Variants in USP12 observed in about 807,000 individuals in gnomAD.
USP12 encodes ubiquitin carboxyl-terminal hydrolase 12.
A neutral mutation model predicts 45.5 loss-of-function variants in USP12; 19 were observed. The ratio of observed to expected loss-of-function variants is 0.42; its 90% CI spans 0.29 to 0.61. The LOEUF is 0.61. Among genes scored for constraint, USP12 ranks in the 20% least tolerant of loss-of-function variants. USP12 has a pLI of 0.22. For synonymous variants in USP12, 149 were observed against 148.8 expected (o/e 1.00, Z -0.01); for missense variants, 242 against 447.7 (o/e 0.54, Z 4.15).
intron 1 of USP12, among the ~76,000 whole-genome samples, chr13:27,167,997 A>G (rs1289084843): frequency 6.6e-6 from 1 of 152,240 alleles, no homozygotes; most frequent in African/African-American, 2.4e-5. Flanking sequence ...CAGAGCAAAC[A>G]AAAAAGAAAA....
intron 1 of USP12, among the ~76,000 whole-genome samples, chr13:27,157,964 C>A (rs964954970): frequency 5.9e-5 from 9 of 152,196 alleles, no homozygotes; most frequent in Non-Finnish European, 1.0e-4. Flanking sequence ...AGCACATAAC[C>A]CAACTTAATG....
intron 4 of USP12, among the ~76,000 whole-genome samples, chr13:27,090,556 T>G (rs1874263857): frequency 6.6e-6 from 1 of 152,076 alleles, no homozygotes; most frequent in Non-Finnish European, 1.5e-5. Context: ...AAAAAAAAAA[T>G]TTAGCCCAAA....
At position 27,071,144 on chromosome 13, in the gene USP12, G is replaced by A; in HGVS notation, c.938C>T (p.Pro313Leu). The change falls in exon 8 of 9, where the codon CCC becomes CTC. Residue 313 changes from proline (P) to leucine (L), a missense_variant. Transcript: ENST00000282344. ...VAVVVHCGSGPNRGHYIAIVK... is the reference protein window; with the variant it reads ...VAVVVHCGSGLNRGHYIAIVK... The stretch of plus-strand genomic sequence containing the variant: ...TATTGCAATATAATGGCCTCGATTG[G>A]GACCACTAAAACAAACGAAGAAGAA... 2 of 1,597,966 alleles carry A rather than the reference G, an allele frequency of 1.3e-6. No homozygotes were observed. Among genetic ancestry groups the A allele is most frequent in the South Asian group, 2.3e-5 (2 of 86,484 alleles).
At chr13:27,074,293 G>T (rs560732135) in intron 7 of USP12, among the ~76,000 whole-genome samples, 1 of 152,024 alleles carries the variant, frequency 6.6e-6, no homozygotes, top group African/African-American at 2.4e-5. Context: ...TCAGCTACTC[G>T]GGAGGCAGAG....
intron 3 of USP12, among the ~76,000 whole-genome samples, chr13:27,103,231 A>G (rs946637663): frequency 2.6e-5 from 4 of 152,204 alleles, no homozygotes; most frequent in Non-Finnish European, 5.9e-5. Flanking sequence ...CATACTTTCC[A>G]AAGATTTAAA....
chr13:27,137,572 A>G (rs1268994749), intron 1 of USP12, among the ~76,000 whole-genome samples: 1 of 152,230 alleles, frequency 6.6e-6, no homozygotes, highest in African/African-American at 2.4e-5. Flanking sequence ...AAAAATAATC[A>G]TAAGTAAGAT....
chr13:27,095,397 T>C (rs1163755042), intron 4 of USP12, among the ~76,000 whole-genome samples: 2 of 152,226 alleles, frequency 1.3e-5, no homozygotes, highest in African/African-American at 2.4e-5. Context: ...TAAGTATCTT[T>C]CTATCACCTC....
intron 1 of USP12, among the ~76,000 whole-genome samples, chr13:27,121,418 T>C (rs1383837202): frequency 6.6e-6 from 1 of 151,842 alleles, no homozygotes; most frequent in African/African-American, 2.4e-5. Context: ...CGCTCTGGAA[T>C]GAGACAAATT....
chr13:27,084,932 G>C (rs1042935654), intron 6 of USP12, among the ~76,000 whole-genome samples: 1 of 152,126 alleles, frequency 6.6e-6, no homozygotes, highest in African/African-American at 2.4e-5. Flanking sequence ...AAATGCCATA[G>C]GAATTTTGAT....
intron 6 of USP12, among the ~76,000 whole-genome samples, chr13:27,081,145 C>T (rs1873740807): frequency 6.6e-6 from 1 of 151,762 alleles, no homozygotes; most frequent in Non-Finnish European, 1.5e-5. Context: ...TCTGCCACAT[C>T]AACTGGCTTT....
chr13:27,159,202 C>T (rs1005239706), intron 1 of USP12, among the ~76,000 whole-genome samples: 17 of 152,126 alleles, frequency 1.1e-4, no homozygotes, highest in African/African-American at 4.1e-4. Flanking sequence ...TCACATTTTT[C>T]TTTAAGAGTA....
chr13:27,144,518 AAAG>A (rs1877221030), intron 1 of USP12, among the ~76,000 whole-genome samples: 1 of 149,752 alleles, frequency 6.7e-6, no homozygotes, highest in Admixed American at 6.9e-5. Context: ...AAAAAAAAAA[AAAG>A]GTGGTAGGTC....
At chr13:27,122,920 C>T (rs1184293546) in intron 1 of USP12, among the ~76,000 whole-genome samples, 6 of 151,780 alleles carry the variant, frequency 4.0e-5, no homozygotes, top group African/African-American at 1.2e-4. Flanking sequence ...GGTGAAACCC[C>T]GTCTCTACTA....
At chr13:27,087,139 G>C in intron 6 of USP12, among the ~76,000 whole-genome samples, 1 of 151,846 alleles carries the variant, frequency 6.6e-6, no homozygotes, top group Non-Finnish European at 1.5e-5. Context: ...GTGAGAGTGT[G>C]TGTGTGTTTA....
At chr13:27,115,789 T>G (rs1398850050) in intron 2 of USP12, among the ~76,000 whole-genome samples, 1 of 152,132 alleles carries the variant, frequency 6.6e-6, no homozygotes, top group Non-Finnish European at 1.5e-5. Flanking sequence ...ACTGGTACAA[T>G]GAGAGAAGTA....
At chr13:27,150,251 T>G (rs565758802) in intron 1 of USP12, among the ~76,000 whole-genome samples, 262 of 152,196 alleles carry the variant, frequency 1.7e-3, no homozygotes, top group African/African-American at 5.8e-3. Flanking sequence ...AGCAAAAAAT[T>G]GTATTTATAT....
intron 6 of USP12, among the ~76,000 whole-genome samples, chr13:27,076,029 C>CAAAAAAAAAAA (rs11458818): frequency 5.6e-4 from 55 of 97,992 alleles, no homozygotes; most frequent in African/African-American, 2.1e-3. Context: ...GGCTCCGTCT[C>CAAAAAAAAAAA]AAAAAAAAAA....
chr13:27,110,400 T>C (rs1875381618), intron 2 of USP12, among the ~76,000 whole-genome samples: 1 of 152,214 alleles, frequency 6.6e-6, no homozygotes, highest in Non-Finnish European at 1.5e-5. Context: ...TCTGCTATGT[T>C]CAATCTCCTA....
chr13:27,095,532 T>C lies in USP12; in HGVS notation c.573+69A>G, dbSNP rs556254317. 4.9e-5 allele frequency: 56 copies of C among 1,147,798 alleles called. No homozygotes were observed. The African/African-American group carries it at 6.9e-4, about 14-fold the overall frequency. 71.1% of individuals were successfully genotyped at this position (1,147,798 alleles called of 1,614,324 possible). Reference sequence around the variant, plus strand: ...TTTCAAGTTCATCTTCCATTCTGTCTTTCTCAAAGAACAACCTTTAACATA... The same window carrying C: ...TTTCAAGTTCATCTTCCATTCTGTCCTTCTCAAAGAACAACCTTTAACATA... On this transcript the variant is annotated intron_variant, in intron 4 of 8. Transcript: ENST00000282344.
Sources: allele counts gnomAD v4.1 joint callset (sites outside exome capture counted in the v4.1 genomes callset), GRCh38; gene constraint gnomAD v4.1.1; transcripts MANE v1.5; gene names NCBI Gene and HGNC (gene_info 2026-07-23, HGNC 2026-07-21).